TRPM1: variants seen among roughly 807,000 people sequenced by gnomAD.
TRPM1 encodes the protein TRPM1-203 APA Isoform, Intron 10.
In TRPM1, 113 loss-of-function variants were observed where a neutral mutation model predicts 149.4. That is an observed-to-expected ratio of 0.76 (90% CI 0.65 to 0.88). The LOEUF is 0.88. Among genes scored for constraint, TRPM1 ranks in the 40% least tolerant of loss-of-function variants. The pLI is 0.00. For missense variants in TRPM1, 1,976 were observed against 2,038.7 expected (o/e 0.97, Z 0.59); for synonymous variants, 741 against 759.5 (o/e 0.98, Z 0.40).
chr15:31,093,765 C>T (rs535330160), intron 1 of TRPM1, among the ~76,000 whole-genome samples: 6 of 152,096 alleles, frequency 3.9e-5, no homozygotes, highest in Admixed American at 2.6e-4. Context: ...CTATGCCTGG[C>T]TAATTTTTTT....
At chr15:31,051,140 A>G (rs2033938788) in intron 11 of TRPM1, among the ~76,000 whole-genome samples, 1 of 152,146 alleles carries the variant, frequency 6.6e-6, no homozygotes, top group Non-Finnish European at 1.5e-5. Flanking sequence ...GCGGTGACAG[A>G]CTCATTCATC....
At chr15:31,104,586 CTTTTTTTTTTT>C (rs928062797), upstream of TRPM1, among the ~76,000 whole-genome samples, 2 of 87,488 alleles carry the variant, frequency 2.3e-5, no homozygotes, top group Non-Finnish European at 4.1e-5. Flanking sequence ...GGTGATCTTC[CTTTTTTTTTTT>C]TTTTTTTTTT....
At chr15:31,152,664 A>T (rs1022175113) in intron 1 of TRPM1, among the ~76,000 whole-genome samples, 2 of 152,162 alleles carry the variant, frequency 1.3e-5, no homozygotes, top group Non-Finnish European at 2.9e-5. Flanking sequence ...TGTGTGTGAG[A>T]CAGGGTCTGG....
At chr15:31,125,011 C>A (rs909736545) in intron 1 of TRPM1, among the ~76,000 whole-genome samples, 3 of 151,672 alleles carry the variant, frequency 2.0e-5, no homozygotes, top group Non-Finnish European at 2.9e-5. Flanking sequence ...CCGTCTCTTT[C>A]AAAAATACAA....
chr15:31,061,422 A>G lies in TRPM1; in HGVS notation c.1162+20T>C. 1 of 1,613,016 alleles carries G rather than the reference A, an allele frequency of 6.2e-7. No individual in the cohort carries two copies. Among genetic ancestry groups the G allele is most frequent in the South Asian group, 1.1e-5 (1 of 91,048 alleles). On this transcript the variant is annotated intron_variant, in intron 10 of 27. Transcript: ENST00000256552. ...GGCCAACATCAGAGGGACAGGAGTC[A>G]CCATTTCCTGAGAGCTCACCTTTCA...
chr15:31,037,762 T>C lies in TRPM1; in HGVS notation c.2520A>G (p.Thr840=), dbSNP rs750223454. ...HKKQRSIPIG[T]KICEFYNAPI... ...GCGCGTTATAGAATTCACAGATCTT[T>C]GTTCCGATGGGAATACTTCTCTGTT... Residue 840 remains threonine, a synonymous_variant, in exon 20 of 28, where the codon ACA becomes ACG. Transcript: ENST00000256552. 174 of 1,614,136 alleles carry C rather than the reference T, an allele frequency of 1.1e-4. No individual in the cohort carries two copies. The highest frequency in any genetic ancestry group is 1.5e-4 in the Non-Finnish European group (174 of 1,180,052).
chr15:31,106,005 C>G (rs1440569977), upstream of TRPM1, among the ~76,000 whole-genome samples: 3 of 152,178 alleles, frequency 2.0e-5, no homozygotes, highest in African/African-American at 7.2e-5. Context: ...AAATATAAGT[C>G]TGTTTTATAA....
At chr15:31,097,627 A>G (rs1465449577) in intron 1 of TRPM1, among the ~76,000 whole-genome samples, 1 of 152,238 alleles carries the variant, frequency 6.6e-6, no homozygotes, top group Non-Finnish European at 1.5e-5. Context: ...ATCATGGACT[A>G]TGCAACCATG....
At chr15:31,105,116 A>T (rs191271845), upstream of TRPM1, among the ~76,000 whole-genome samples, 12 of 152,310 alleles carry the variant, frequency 7.9e-5, 1 homozygote, top group Admixed American at 7.2e-4. Flanking sequence ...GTATAAATTC[A>T]TGGATTTGAA....
intron 27 of TRPM1, among the ~76,000 whole-genome samples, chr15:31,013,450 G>C (rs537767136): frequency 6.6e-6 from 1 of 151,990 alleles, no homozygotes; most frequent in East Asian, 1.9e-4. Context: ...GTTCTTTAGA[G>C]ATGATTTCCT....
chr15:31,088,462 T>C lies in TRPM1; in HGVS notation c.-83-7024A>G, dbSNP rs1264073613. The stretch of plus-strand genomic sequence containing the variant: ...TAACACTGACTGTACGGTATGTGGC[T>C]TCACTCCTGAAGTCAGCAAGCCCAC... On this transcript the variant is annotated intron_variant, in intron 1 of 27. Transcript: ENST00000256552. 2.6e-5 allele frequency among the ~76,000 whole-genome samples: 4 copies of C among 152,294 alleles called. No individual in the cohort carries two copies. In the East Asian group the frequency reaches 7.7e-4, roughly 29 times the overall value.
chr15:31,113,956 A>G (rs1027740462), intron 1 of TRPM1, among the ~76,000 whole-genome samples: 1 of 151,116 alleles, frequency 6.6e-6, no homozygotes, highest in Admixed American at 6.6e-5. Context: ...AGATTGGTCC[A>G]TTTTACAGAG....
chr15:31,156,950 G>A (rs756005863), intron 1 of TRPM1, among the ~76,000 whole-genome samples: 1 of 147,036 alleles, frequency 6.8e-6, no homozygotes, highest in Admixed American at 6.8e-5. Flanking sequence ...TTTTGAGATA[G>A]GGTCTCACTC....
At chr15:31,091,541 G>A (rs2141002173) in intron 1 of TRPM1, among the ~76,000 whole-genome samples, 1 of 152,328 alleles carries the variant, frequency 6.6e-6, no homozygotes, top group South Asian at 2.1e-4. Flanking sequence ...GGCACGGAGG[G>A]GCACTCCTGA....
In TRPM1 at chr15:31,001,103, T is replaced by A. The variant is rs996249578; in HGVS notation, c.*719A>T. ...CTTTATTTTTGCACATTAACAAAACTCTAGGTCACCCTAAATTATTAGAGT... is the reference window on the plus strand; with the variant it reads ...CTTTATTTTTGCACATTAACAAAACACTAGGTCACCCTAAATTATTAGAGT... On this transcript the variant is annotated 3_prime_UTR_variant, in exon 28 of 28. Coordinates refer to ENST00000256552, the MANE Select transcript of TRPM1 (RefSeq NM_001252024.2). 2 of 152,198 alleles carry A rather than the reference T, an allele frequency of 1.3e-5. No homozygotes were observed. Among genetic ancestry groups the A allele is most frequent in the Non-Finnish European group, 2.9e-5 (2 of 68,038 alleles). The allele number at this position is 152,198 out of a possible 1,614,324, so 9.4% of individuals were successfully genotyped here. A position where few individuals can be genotyped will look rare whatever the true frequency, so the allele number is the denominator to read the frequency against.
At position 31,047,086 on chromosome 15, in the gene TRPM1, A is replaced by G. The variant is rs748668442; in HGVS notation, c.1764+25T>C. 6.2e-6 allele frequency: 10 copies of G among 1,613,306 alleles called. No individual in the cohort carries two copies. The East Asian group carries it at 2.2e-4, about 36-fold the overall frequency. The stretch of plus-strand genomic sequence containing the variant: ...CCACATGGTACTCGCGAACCACAGA[A>G]CACTACACAGGCACTGAGTTCTACC... On this transcript the variant is annotated intron_variant, in intron 15 of 27. Transcript: ENST00000256552.
In TRPM1 at chr15:31,031,184, ACT is replaced by A. The variant is rs752320863; in HGVS notation, c.2953-29_2953-28del. 4 of 1,614,066 alleles carry A rather than the reference ACT, an allele frequency of 2.5e-6. No homozygotes were observed. In the South Asian group the frequency reaches 4.4e-5, roughly 18 times the overall value. ...TGAGTAAGGAGAACATTTGTCTCTC[ACT>A]GTCTTGGCTTGTGGGCCAAGTTCAC... On this transcript the variant is annotated intron_variant, in intron 22 of 27. Coordinates refer to ENST00000256552, the MANE Select transcript of TRPM1 (RefSeq NM_001252024.2).
At chr15:31,034,233 A>T (rs2033236391) in intron 21 of TRPM1, among the ~76,000 whole-genome samples, 1 of 152,212 alleles carries the variant, frequency 6.6e-6, no homozygotes, top group Admixed American at 6.5e-5. Context: ...GAGATTGCTT[A>T]CTGGGAGTTA....
intron 27 of TRPM1, among the ~76,000 whole-genome samples, chr15:31,011,236 CTCTG>C (rs1307016428): frequency 2.1e-4 from 32 of 152,108 alleles, no homozygotes; most frequent in Non-Finnish European, 1.3e-4. Context: ...TTGTGCTAGT[CTCTG>C]TCTTAGAGAG....
Sources: gnomAD v4.1 joint callset for allele counts (sites outside exome capture counted in the v4.1 genomes callset) on GRCh38, gnomAD v4.1.1 for gene constraint, MANE v1.5 for transcripts, NCBI Gene and HGNC (gene_info 2026-07-23, HGNC 2026-07-21) for gene names.